BMI1: variants seen among roughly 807,000 people sequenced by gnomAD.
The protein encoded by BMI1 is polycomb complex protein BMI-1.
A neutral mutation model predicts 39.1 loss-of-function variants in BMI1; 9 were observed. The ratio of observed to expected loss-of-function variants is 0.23; its 90% CI spans 0.14 to 0.40. The LOEUF is 0.40. BMI1 is among the 10% of genes least tolerant of loss of function. The probability of loss-of-function intolerance (pLI) is 1.00; values close to 1 mark genes in which losing one functional copy is unlikely to be tolerated. For synonymous variants in BMI1, 131 were observed against 127.9 expected (o/e 1.02, Z -0.16); for missense variants, 252 against 390.8 (o/e 0.64, Z 2.99).
rs1297386781 is a variant in BMI1, at chr10:22,331,175, AAGTGTTGTTTCTAATTATAG to A, written c.*1635_*1654del. Reference sequence around the variant, plus strand: ...ACCTAAATTTGTACAGTCCCATTGTAAGTGTTGTTTCTAATTATAGATGTAAAATGAAATTTCATTTGTAA... The same window carrying A: ...ACCTAAATTTGTACAGTCCCATTGTAATGTAAAATGAAATTTCATTTGTAA... On this transcript the variant is annotated 3_prime_UTR_variant, in exon 10 of 10. Transcript: ENST00000376663. 1 of 152,576 alleles carries A rather than the reference AAGTGTTGTTTCTAATTATAG, an allele frequency of 6.6e-6. No homozygotes were observed. The highest frequency in any genetic ancestry group is 1.5e-5 in the Non-Finnish European group (1 of 67,970). 9.5% of individuals were successfully genotyped at this position (152,576 alleles called of 1,614,324 possible).
intron 7 of BMI1, 133 bp downstream of exon 7, chr10:22,328,312 G>A: frequency 2.0e-6 from 2 of 987,166 alleles, no homozygotes; most frequent in African/African-American, 1.7e-5. Flanking sequence ...TTTAAGAAAG[G>A]TCTACATGTG....
intron 2 of BMI1, 99 bp from the exon 3 acceptor site, chr10:22,326,791 C>G (rs1773931071): frequency 2.7e-6 from 4 of 1,457,940 alleles, no homozygotes; most frequent in Admixed American, 1.9e-5. Context: ...TTGGAAATGC[C>G]TTTCACCATC....
chr10:22,329,616 T>C lies in BMI1; in HGVS notation c.*74T>C. On this transcript the variant is annotated 3_prime_UTR_variant, in exon 10 of 10. Transcript: ENST00000376663. ...ATATCTTCATGCCATTACAGCTTTC[T>C]AGATGCTAATACATGTGACTATCGT... The C allele has an allele frequency of 6.7e-7, 1 of 1,493,490 alleles. No individual in the cohort carries two copies. Among genetic ancestry groups the C allele is most frequent in the South Asian group, 1.3e-5 (1 of 75,630 alleles). The allele number at this position is 1,493,490 out of a possible 1,614,324, so 92.5% of individuals were successfully genotyped here.
intron 1 of BMI1, among the ~76,000 whole-genome samples, chr10:22,325,140 T>A (rs569272272): frequency 6.6e-6 from 1 of 152,300 alleles, no homozygotes; most frequent in East Asian, 1.9e-4. Flanking sequence ...TAAAACAGAT[T>A]TCAGTTTTCA....
chr10:22,328,492 C>A, intron 7 of BMI1, 108 bp from the exon 8 acceptor site: 1 of 1,164,880 alleles, frequency 8.6e-7, no homozygotes, highest in South Asian at 1.8e-5. Flanking sequence ...GGTTGGTCAC[C>A]TCCAATTTTG....
chr10:22,327,830 G>T, intron 5 of BMI1, 38 bp downstream of exon 5: 1 of 1,611,646 alleles, frequency 6.2e-7, no homozygotes, highest in Non-Finnish European at 8.5e-7. Context: ...TTTATATGGG[G>T]GGAGAGCTTA....
intron 4 of BMI1, 32 bp downstream of exon 4, chr10:22,327,682 G>A: frequency 6.2e-7 from 1 of 1,612,730 alleles, no homozygotes; most frequent in Non-Finnish European, 8.5e-7. Flanking sequence ...TGAATTTAAA[G>A]AGATTATTCA....
At chr10:22,326,362 G>C (rs962158372) in intron 1 of BMI1, 69 bp from the exon 2 acceptor site, 2 of 1,587,536 alleles carry the variant, frequency 1.3e-6, no homozygotes, top group Non-Finnish European at 1.7e-6. Context: ...AGTGTTTCAG[G>C]GTTTGTGATT....
Position 22,327,616 on chromosome 10 carries a change from T to C in BMI1, c.231T>C (p.Asp77=), listed in dbSNP as rs150886028. Residue 77 remains aspartate (D), a synonymous_variant, in exon 4 of 10, where the codon GAT becomes GAC. Transcript: ENST00000376663. ...LNIRSDKTLQ[D]IVYKLVPGLF... The stretch of plus-strand genomic sequence containing the variant: ...TCAGGTCAGATAAAACTCTCCAAGA[T>C]ATTGTATACAAATTAGTTCCAGGGC... The C allele has an allele frequency of 3.9e-5, 63 of 1,611,484 alleles. No individual in the cohort carries two copies. In the African/African-American group the frequency reaches 7.1e-4, roughly 18 times the overall value.
chr10:22,325,303 C>G (rs2132002562), intron 1 of BMI1, among the ~76,000 whole-genome samples: 1 of 152,352 alleles, frequency 6.6e-6, no homozygotes, highest in African/African-American at 2.4e-5. Flanking sequence ...CTCAAAAAAT[C>G]CCTTCGTGAA....
intron 3 of BMI1, 33 bp downstream of exon 3, chr10:22,327,019 T>A (rs1392300881): frequency 1.2e-6 from 2 of 1,604,526 alleles, no homozygotes; most frequent in Non-Finnish European, 1.7e-6. Flanking sequence ...TGTTTGTAAT[T>A]ATTATTGGAG....
At chr10:22,328,204 A>G (rs1374209759) in intron 7 of BMI1, 25 bp downstream of exon 7, 3 of 1,584,454 alleles carry the variant, frequency 1.9e-6, no homozygotes, top group South Asian at 1.2e-5. Flanking sequence ...ACAAAAACAT[A>G]TAGAAGAAAC....
In BMI1 at chr10:22,328,125, C is replaced by G. The variant is rs189641990; in HGVS notation, c.426-9C>G. ...AGATTGTTTCACTAATAAATTTTCT[C>G]TTTATTAGATTGGATCGGAAAGTAA... is the stretch of plus-strand genomic sequence containing the variant. On this transcript the variant is annotated splice_polypyrimidine_tract_variant and intron_variant, in intron 6 of 9. Coordinates refer to ENST00000376663, the MANE Select transcript of BMI1 (RefSeq NM_005180.9). 8.1e-6 allele frequency: 13 copies of G among 1,597,028 alleles called. No homozygotes were observed. Among genetic ancestry groups the G allele is most frequent in the South Asian group, 6.9e-5 (6 of 86,970 alleles).
intron 3 of BMI1, 112 bp downstream of exon 3, chr10:22,327,098 A>G: frequency 1.7e-6 from 2 of 1,160,798 alleles, no homozygotes; most frequent in Non-Finnish European, 1.2e-6. Context: ...TACATAACTA[A>G]TATGTGTGTG....
chr10:22,328,881 AAC>A (rs1228582108), intron 8 of BMI1, among the ~76,000 whole-genome samples, 165 bp from the exon 9 acceptor site: 2 of 152,288 alleles, frequency 1.3e-5, no homozygotes, highest in East Asian at 1.9e-4. Context: ...CAAATCCCTT[AAC>A]ACTCTCTAGA....
chr10:22,322,218 T>G (rs1453563126), intron 1 of BMI1: 1 of 151,936 alleles, frequency 6.6e-6, no homozygotes, highest in Non-Finnish European at 1.5e-5. Flanking sequence ...GGGAGCTGCT[T>G]GGGTCAAGTG....
At chr10:22,325,603 C>G (rs1836122379) in intron 1 of BMI1, 1 of 145,422 alleles carries the variant, frequency 6.9e-6, no homozygotes, top group African/African-American at 2.5e-5. Flanking sequence ...GCCGGCCCCG[C>G]CCCCGCGGCG....
chr10:22,326,585 T>C, intron 2 of BMI1, 24 bp downstream of exon 2: 2 of 1,609,100 alleles, frequency 1.2e-6, no homozygotes, highest in Non-Finnish European at 1.7e-6. Context: ...TTTAGCTCTC[T>C]TTTGTATCAT....
chr10:22,329,000 A>G, intron 8 of BMI1, 48 bp from the exon 9 acceptor site: 3 of 1,518,614 alleles, frequency 2.0e-6, no homozygotes, highest in South Asian at 2.5e-5. Context: ...CAAAAAATGT[A>G]CATTTACCTT....
Sources: gnomAD v4.1 joint callset for allele counts (sites outside exome capture counted in the v4.1 genomes callset) on GRCh38, gnomAD v4.1.1 for gene constraint, MANE v1.5 for transcripts, NCBI Gene and HGNC (gene_info 2026-07-23, HGNC 2026-07-21) for gene names.